The following TMEM132C variants were observed in gnomAD, a reference collection of about 807,000 sequenced individuals.
TMEM132C encodes protein phosphatase 1, regulatory subunit 152.
TMEM132C carries 29 observed loss-of-function variants against 61.4 expected under a neutral mutation model. That is an observed-to-expected ratio of 0.47 (90% confidence interval 0.35 to 0.64). TMEM132C has a LOEUF of 0.64. Among genes scored for constraint, TMEM132C ranks in the 30% least tolerant of loss-of-function variants. TMEM132C has a pLI of 0.00. For synonymous variants in TMEM132C, 656 were observed against 633.1 expected, an observed-to-expected ratio of 1.04 and a Z score of -0.54; for missense variants, 1,408 against 1,476.9, an observed-to-expected ratio of 0.95 and a Z score of 0.76.
chr12:128,367,093 A>G (rs895442152), intron 1 of TMEM132C, among the ~76,000 whole-genome samples: 4 of 152,228 alleles, frequency 2.6e-5, no homozygotes, highest in African/African-American at 9.6e-5. Flanking sequence ...ATGTGAAACT[A>G]GAACATGCAA....
At chr12:128,317,260 A>G (rs573714751) in intron 1 of TMEM132C, among the ~76,000 whole-genome samples, 2 of 152,308 alleles carry the variant, frequency 1.3e-5, no homozygotes, top group East Asian at 1.9e-4. Flanking sequence ...GCCAAGAGCA[A>G]CTGGGTTGCC....
intron 2 of TMEM132C, among the ~76,000 whole-genome samples, chr12:128,543,338 C>T (rs1873826849): frequency 6.6e-6 from 1 of 152,180 alleles, no homozygotes; most frequent in Non-Finnish European, 1.5e-5. Context: ...TATGATCCTG[C>T]TCTTTCTTAC....
intron 3 of TMEM132C, among the ~76,000 whole-genome samples, chr12:128,602,199 G>A (rs539827861): frequency 5.3e-5 from 8 of 152,280 alleles, no homozygotes; most frequent in East Asian, 1.9e-4. Context: ...GAGCAAGACC[G>A]TGTCTCTAAA....
intron 1 of TMEM132C, among the ~76,000 whole-genome samples, chr12:128,386,155 C>T (rs1874575157): frequency 6.6e-6 from 1 of 152,220 alleles, no homozygotes; most frequent in Admixed American, 6.5e-5. Context: ...GAAAGCCACT[C>T]CTTAGCCAGA....
At chr12:128,648,133 G>T (rs1312919537) in intron 4 of TMEM132C, among the ~76,000 whole-genome samples, 2 of 150,862 alleles carry the variant, frequency 1.3e-5, no homozygotes, top group African/African-American at 4.9e-5. Flanking sequence ...GTCCATTAGC[G>T]TTGGATGTGA....
chr12:128,630,605 G>A lies in TMEM132C; in HGVS notation c.1305+14270G>A, dbSNP rs144062405. Reference sequence around the variant, plus strand: ...TATCTGTGCAGTCAGCCTCTCCATCGTCCATGTTCCCTCTGGGCGGTCATG... The same window carrying A: ...TATCTGTGCAGTCAGCCTCTCCATCATCCATGTTCCCTCTGGGCGGTCATG... On this transcript the variant is annotated intron_variant, in intron 4 of 8. Transcript: ENST00000435159. The surrounding 1 kb of genome is among the most constrained non-coding windows in gnomAD (Gnocchi z 4.3). Among the ~76,000 whole-genome samples the A allele has an allele frequency of 6.6e-5, 10 of 152,184 alleles. No individual in the cohort carries two copies. The highest frequency in any genetic ancestry group is 2.1e-4 in the South Asian group (1 of 4,822).
At position 128,616,352 on chromosome 12, in the gene TMEM132C, C is replaced by T; in HGVS notation, c.1305+17C>T. 3 of 1,543,632 alleles carry T rather than the reference C, an allele frequency of 1.9e-6. No individual in the cohort carries two copies. The highest frequency in any genetic ancestry group is 2.6e-6 in the Non-Finnish European group (3 of 1,141,840). ...TTGGCTATGGTGAGTCCTGAGTTAC[C>T]TTGGATGCTCCTGCATTCAGCCACC... On this transcript the variant is annotated intron_variant, in intron 4 of 8. Coordinates refer to ENST00000435159, the MANE Select transcript of TMEM132C (RefSeq NM_001136103.3).
intron 2 of TMEM132C, among the ~76,000 whole-genome samples, chr12:128,450,928 G>A (rs531795579): frequency 1.3e-5 from 2 of 152,254 alleles, no homozygotes; most frequent in East Asian, 1.9e-4. Flanking sequence ...GCAGCTGAGT[G>A]AACTACTTTT....
At chr12:128,648,510 G>A (rs113798518) in intron 4 of TMEM132C, among the ~76,000 whole-genome samples, 3,975 of 144,004 alleles carry the variant, frequency 0.028, 142 homozygotes, top group African/African-American at 0.096. Flanking sequence ...ACTGGAGTCT[G>A]TCAGCGTTGG....
At chr12:128,529,166 G>C (rs941969820) in intron 2 of TMEM132C, among the ~76,000 whole-genome samples, 1 of 151,308 alleles carries the variant, frequency 6.6e-6, no homozygotes, top group East Asian at 1.9e-4. Context: ...TAATTAATTA[G>C]TATAATTAAA....
At chr12:128,335,930 T>G (rs1872781978) in intron 1 of TMEM132C, among the ~76,000 whole-genome samples, 3 of 152,236 alleles carry the variant, frequency 2.0e-5, no homozygotes, top group Non-Finnish European at 4.4e-5. Flanking sequence ...ACACAGAGTG[T>G]AGATATTCTT....
At chr12:128,558,290 A>G (rs1874396707) in intron 3 of TMEM132C, among the ~76,000 whole-genome samples, 1 of 152,080 alleles carries the variant, frequency 6.6e-6, no homozygotes, top group Non-Finnish European at 1.5e-5. Context: ...TCTCACCTTG[A>G]ATTGTAGCTC....
At chr12:128,689,140 A>T (rs1954700411) in intron 5 of TMEM132C, among the ~76,000 whole-genome samples, 1 of 151,630 alleles carries the variant, frequency 6.6e-6, no homozygotes, top group Non-Finnish European at 1.5e-5. Flanking sequence ...TTCTTTTTTA[A>T]TTTTTTATTT....
At chr12:128,676,568 A>ATATAT (rs1954589137) in intron 5 of TMEM132C, among the ~76,000 whole-genome samples, 2 of 152,258 alleles carry the variant, frequency 1.3e-5, no homozygotes, top group Non-Finnish European at 2.9e-5. Flanking sequence ...CATTTCTTAC[A>ATATAT]CACATATACC....
chr12:128,646,579 A>C (rs1211888251), intron 4 of TMEM132C, among the ~76,000 whole-genome samples: 1 of 146,776 alleles, frequency 6.8e-6, no homozygotes, highest in African/African-American at 2.6e-5. Flanking sequence ...TGTTTACTGG[A>C]GTCCATCAGC....
chr12:128,413,298 C>CAAAAAAAAAA (rs56026776), intron 1 of TMEM132C, among the ~76,000 whole-genome samples: 2 of 60,574 alleles, frequency 3.3e-5, no homozygotes, highest in Non-Finnish European at 5.5e-5. Flanking sequence ...GACTCTGTCT[C>CAAAAAAAAAA]AAAAAAAAAA....
intron 1 of TMEM132C, among the ~76,000 whole-genome samples, chr12:128,283,128 C>T (rs1870949335): frequency 6.6e-6 from 1 of 152,124 alleles, no homozygotes; most frequent in South Asian, 2.1e-4. Context: ...AGGATGGGTT[C>T]CTGGATTTCT....
chr12:128,517,899 C>G (rs1348228558), intron 2 of TMEM132C, among the ~76,000 whole-genome samples: 2 of 152,154 alleles, frequency 1.3e-5, no homozygotes, highest in Non-Finnish European at 2.9e-5. Context: ...AGGCCTCAGA[C>G]AGATCCAAAA....
chr12:128,359,956 A>T (rs1039681189), intron 1 of TMEM132C, among the ~76,000 whole-genome samples: 26 of 152,340 alleles, frequency 1.7e-4, no homozygotes, highest in Admixed American at 9.8e-4. Flanking sequence ...AGGACGGGTG[A>T]TGAAGGATGT....
Sources: gnomAD v4.1 joint callset for allele counts (sites outside exome capture counted in the v4.1 genomes callset) on GRCh38, gnomAD v4.1.1 for gene constraint, Gnocchi (gnomAD v3.1) non-coding constraint, MANE v1.5 for transcripts, NCBI Gene and HGNC (gene_info 2026-07-23, HGNC 2026-07-21) for gene names.